The following KIRREL3 variants were observed in gnomAD, a reference collection of about 807,000 sequenced individuals.
The protein encoded by KIRREL3 is kin of IRRE-like protein 3.
Under a neutral mutation model 89.7 loss-of-function variants are expected in KIRREL3, and 36 were observed. That is an observed-to-expected ratio of 0.40 (90% CI 0.31 to 0.53). The LOEUF is 0.53. Ranked by LOEUF, KIRREL3 falls within the 20% of genes least tolerant of loss-of-function variation. The pLI is 0.49. For synonymous variants in KIRREL3, 445 were observed against 441.4 expected (o/e 1.01, Z -0.10); for missense variants, 864 against 1,056.6 (o/e 0.82, Z 2.53).
intron 1 of KIRREL3, among the ~76,000 whole-genome samples, chr11:126,831,718 G>T (rs1266769773): frequency 6.6e-6 from 1 of 151,514 alleles, no homozygotes; most frequent in East Asian, 1.9e-4. Context: ...GTTTTTTTTT[G>T]AAGTATACTT....
At chr11:126,839,510 C>G (rs1318043154) in intron 1 of KIRREL3, among the ~76,000 whole-genome samples, 1 of 152,154 alleles carries the variant, frequency 6.6e-6, no homozygotes, top group African/African-American at 2.4e-5. Context: ...GAAATGACTC[C>G]TGATCAGGGA....
At chr11:126,464,916 C>G (rs1014136544) in intron 5 of KIRREL3, among the ~76,000 whole-genome samples, 3 of 152,186 alleles carry the variant, frequency 2.0e-5, no homozygotes. Flanking sequence ...CCCACCTTCC[C>G]AGGTCATTGC....
chr11:127,000,422 TTTC>T lies in KIRREL3; in HGVS notation c.55+30_55+32del. ...CCCGCGCCCTGACAACCCAGCCGAC[TTTC>T]TTCCAACTCCAGCAGCGCAGGGGTC... is the stretch of plus-strand genomic sequence containing the variant. On this transcript the variant is annotated intron_variant, in intron 1 of 16. Coordinates refer to ENST00000525144, the MANE Select transcript of KIRREL3 (RefSeq NM_032531.4). This position sits in a 1 kb window ranked among gnomAD's most constrained non-coding sequence, Gnocchi z 7.1. 6.3e-7 allele frequency: 1 copy of T among 1,576,218 alleles called. No homozygotes were observed. Among genetic ancestry groups the T allele is most frequent in the Non-Finnish European group, 8.6e-7 (1 of 1,161,028 alleles).
In KIRREL3 at chr11:126,772,024, T is replaced by C. The variant is rs1435991273; in HGVS notation, c.56-209112A>G. 6.6e-6 allele frequency among the ~76,000 whole-genome samples: 1 copy of C among 152,218 alleles called. No individual in the cohort carries two copies. The highest frequency in any genetic ancestry group is 6.5e-5 in the Admixed American group (1 of 15,284). ...GTCTGAGGTAGAGGAGAGGAGGCAC[T>C]GTCGGGAAACCATGACCTTTCCACC... is the stretch of plus-strand genomic sequence containing the variant. On this transcript the variant is annotated intron_variant, in intron 1 of 16. Coordinates refer to ENST00000525144, the MANE Select transcript of KIRREL3 (RefSeq NM_032531.4). This position sits in a 1 kb window ranked among gnomAD's most constrained non-coding sequence, Gnocchi z 4.6.
At chr11:126,599,689 C>T (rs1942560541) in intron 1 of KIRREL3, among the ~76,000 whole-genome samples, 1 of 152,216 alleles carries the variant, frequency 6.6e-6, no homozygotes, top group African/African-American at 2.4e-5. Context: ...CATATAGAAG[C>T]TCTAATCAGG....
chr11:126,725,554 G>C (rs61897900), intron 1 of KIRREL3, among the ~76,000 whole-genome samples: 15 of 152,148 alleles, frequency 9.9e-5, no homozygotes, highest in Admixed American at 8.5e-4. Context: ...CAAGCTGGCT[G>C]TCCCCGTTTT....
intron 1 of KIRREL3, among the ~76,000 whole-genome samples, chr11:126,733,014 G>A (rs1948684068): frequency 6.6e-6 from 1 of 152,170 alleles, no homozygotes; most frequent in South Asian, 2.1e-4. Flanking sequence ...TGTGAATAAG[G>A]AAAAAATGAG....
rs1039672818 is a variant in KIRREL3 at position 126,535,218 on chromosome 11, C to T, written c.134-8531G>A. 6.6e-6 allele frequency among the ~76,000 whole-genome samples: 1 copy of T among 152,290 alleles called. No homozygotes were observed. The highest frequency in any genetic ancestry group is 6.5e-5 in the Admixed American group (1 of 15,298). Reference sequence around the variant, plus strand: ...CCTGACTGCTCTTCCCAAAAGCCCCCTCTAGATTTCCCTCCTGCGCTTACT... The same window carrying T: ...CCTGACTGCTCTTCCCAAAAGCCCCTTCTAGATTTCCCTCCTGCGCTTACT... On this transcript the variant is annotated intron_variant, in intron 2 of 16. Coordinates refer to ENST00000525144, the MANE Select transcript of KIRREL3 (RefSeq NM_032531.4). This position sits in a 1 kb window ranked among gnomAD's most constrained non-coding sequence, Gnocchi z 4.5.
intron 4 of KIRREL3, among the ~76,000 whole-genome samples, chr11:126,518,372 C>G (rs1365633664): frequency 6.6e-6 from 1 of 152,222 alleles, no homozygotes; most frequent in Non-Finnish European, 1.5e-5. Flanking sequence ...CGTATTTGCC[C>G]TCCTCACTTG....
At chr11:126,774,784 A>G (rs1179496856) in intron 1 of KIRREL3, among the ~76,000 whole-genome samples, 2 of 152,190 alleles carry the variant, frequency 1.3e-5, no homozygotes, top group East Asian at 3.9e-4. Context: ...ACGCTGACCC[A>G]TCTTCTGAAC....
chr11:126,777,164 T>C (rs1017494775), intron 1 of KIRREL3, among the ~76,000 whole-genome samples: 7 of 152,120 alleles, frequency 4.6e-5, no homozygotes, highest in Admixed American at 1.3e-4. Flanking sequence ...TGCCTGGGGA[T>C]TTTTTTGATT....
In KIRREL3 at chr11:126,525,278, A is replaced by G. The variant is rs1263050811; in HGVS notation, c.283+1260T>C. ...GCAGCGCTCATCCCAGCTCGGAGCC[A>G]TTCAGTGCATGAACTATTCTAGTTT... On this transcript the variant is annotated intron_variant, in intron 3 of 16. Coordinates refer to ENST00000525144, the MANE Select transcript of KIRREL3 (RefSeq NM_032531.4). This position sits in a 1 kb window ranked among gnomAD's most constrained non-coding sequence, Gnocchi z 5.4. Among the ~76,000 whole-genome samples the G allele has an allele frequency of 6.6e-6, 1 of 152,210 alleles. No individual in the cohort carries two copies. The highest frequency in any genetic ancestry group is 2.4e-5 in the African/African-American group (1 of 41,454).
rs948703046 is a variant in KIRREL3 at position 126,611,716 on chromosome 11, G to C, written c.56-48804C>G. 6.6e-5 allele frequency among the ~76,000 whole-genome samples: 10 copies of C among 152,222 alleles called. No homozygotes were observed. The highest frequency in any genetic ancestry group is 2.4e-4 in the African/African-American group (10 of 41,532). On this transcript the variant is annotated intron_variant, in intron 1 of 16. Transcript: ENST00000525144. This position sits in a 1 kb window ranked among gnomAD's most constrained non-coding sequence, Gnocchi z 4.7. The stretch of plus-strand genomic sequence containing the variant: ...TTCACTGATCGCAGAGTCTTTTTCT[G>C]GCTGCCAAGAACATGGTAGCCTCCC...
At chr11:126,770,930 G>A (rs1291231902) in intron 1 of KIRREL3, among the ~76,000 whole-genome samples, 12 of 152,154 alleles carry the variant, frequency 7.9e-5, no homozygotes, top group Non-Finnish European at 7.4e-5. Flanking sequence ...CCACCTCCCA[G>A]GTTCAAGTGA....
At chr11:126,751,288 C>T (rs555566744) in intron 1 of KIRREL3, among the ~76,000 whole-genome samples, 64 of 152,344 alleles carry the variant, frequency 4.2e-4, no homozygotes, top group African/African-American at 1.3e-3. Context: ...CTCCTTGTCT[C>T]ACAATTCTTC....
intron 1 of KIRREL3, among the ~76,000 whole-genome samples, chr11:126,922,571 T>A (rs1947397287): frequency 6.6e-6 from 1 of 152,002 alleles, no homozygotes; most frequent in Admixed American, 6.6e-5. Context: ...CTCCACTGGC[T>A]CTGCAGACCC....
chr11:126,790,972 T>C (rs996840600), intron 1 of KIRREL3, among the ~76,000 whole-genome samples: 2 of 152,102 alleles, frequency 1.3e-5, no homozygotes, highest in Non-Finnish European at 2.9e-5. Context: ...AAAATATGAA[T>C]AAAATAATAT....
intron 1 of KIRREL3, among the ~76,000 whole-genome samples, chr11:126,658,381 A>G (rs2135001896): frequency 6.6e-6 from 1 of 152,304 alleles, no homozygotes; most frequent in Non-Finnish European, 1.5e-5. Context: ...TGCAGTGACT[A>G]AAAACTTTCT....
rs1040139938 is a variant in KIRREL3, at chr11:126,555,360, T to G, written c.133+7475A>C. On this transcript the variant is annotated intron_variant, in intron 2 of 16. Coordinates refer to ENST00000525144, the MANE Select transcript of KIRREL3 (RefSeq NM_032531.4). The surrounding 1 kb of genome is among the most constrained non-coding windows in gnomAD (Gnocchi z 4.2). Reference sequence around the variant, plus strand: ...TTATCCCATCTCATTAGTAAATAATTGCAATATGAATGTATATGTACAAAC... The same window carrying G: ...TTATCCCATCTCATTAGTAAATAATGGCAATATGAATGTATATGTACAAAC... Among the ~76,000 whole-genome samples, 7 of 152,166 alleles carry G rather than the reference T, an allele frequency of 4.6e-5. No homozygotes were observed. Among genetic ancestry groups the G allele is most frequent in the African/African-American group, 1.7e-4 (7 of 41,438 alleles).
Sources: gnomAD v4.1 joint callset for allele counts (sites outside exome capture counted in the v4.1 genomes callset) on GRCh38, gnomAD v4.1.1 for gene constraint, Gnocchi (gnomAD v3.1) non-coding constraint, MANE v1.5 for transcripts, NCBI Gene and HGNC (gene_info 2026-07-23, HGNC 2026-07-21) for gene names.